The following EIF4EBP2 variants were observed in gnomAD, a reference collection of about 807,000 sequenced individuals.
The protein encoded by EIF4EBP2 is eukaryotic translation initiation factor 4E-binding protein 2.
A neutral mutation model predicts 10.3 loss-of-function variants in EIF4EBP2; 5 were observed. The observed-to-expected ratio is 0.48, with a 90% CI of 0.25 to 1.02. The LOEUF is 1.02. Ranked by LOEUF, EIF4EBP2 falls within the 50% of genes least tolerant of loss-of-function variation. EIF4EBP2 has a pLI of 0.15. For missense variants in EIF4EBP2, 188 were observed against 162.2 expected, an observed-to-expected ratio of 1.16 and a Z score of -0.86; for synonymous variants, 67 against 61.1, an observed-to-expected ratio of 1.10 and a Z score of -0.45.
chr10:70,412,905 A>T (rs1186780657), intron 1 of EIF4EBP2, among the ~76,000 whole-genome samples: 1 of 152,242 alleles, frequency 6.6e-6, no homozygotes, highest in Non-Finnish European at 1.5e-5. Flanking sequence ...TAAGAAAAAT[A>T]TGTACATTTT....
intron 1 of EIF4EBP2, among the ~76,000 whole-genome samples, chr10:70,411,089 TTA>T (rs1432469562): frequency 6.6e-6 from 1 of 152,244 alleles, no homozygotes; most frequent in East Asian, 1.9e-4. Flanking sequence ...AATTTCCATT[TTA>T]GTCATTTTTA....
rs767737902 is a variant in EIF4EBP2 at position 70,419,898 on chromosome 10, T to C, written c.146-16T>C. On this transcript the variant is annotated splice_polypyrimidine_tract_variant and intron_variant, in intron 1 of 2. Transcript: ENST00000373218. Reference sequence around the variant, plus strand: ...CCCTTAAATTGTTTCAAACTCTTTTTAACCCTGTTTTCCAGGAACTCGAAT... The same window carrying C: ...CCCTTAAATTGTTTCAAACTCTTTTCAACCCTGTTTTCCAGGAACTCGAAT... The C allele has an allele frequency of 5.1e-5, 79 of 1,553,514 alleles. No homozygotes were observed. Among genetic ancestry groups the C allele is most frequent in the Middle Eastern group, 3.4e-4 (2 of 5,822 alleles).
intron 1 of EIF4EBP2, among the ~76,000 whole-genome samples, chr10:70,406,481 A>G (rs1175486182): frequency 6.6e-6 from 1 of 152,262 alleles, no homozygotes; most frequent in Non-Finnish European, 1.5e-5. Flanking sequence ...TCATAGTGAC[A>G]ACTGCACTCA....
intron 1 of EIF4EBP2, among the ~76,000 whole-genome samples, chr10:70,406,885 A>C (rs1844969073): frequency 6.6e-6 from 1 of 151,752 alleles, no homozygotes; most frequent in African/African-American, 2.4e-5. Context: ...TAATCTTTGG[A>C]TTTATTTGTT....
intron 1 of EIF4EBP2, among the ~76,000 whole-genome samples, chr10:70,417,440 G>A (rs1589147942): frequency 6.6e-6 from 1 of 151,840 alleles, no homozygotes; most frequent in South Asian, 2.1e-4. Context: ...ACAGTCCTGC[G>A]AATCAACTAA....
At chr10:70,414,670 C>A (rs1455447677) in intron 1 of EIF4EBP2, among the ~76,000 whole-genome samples, 1 of 152,154 alleles carries the variant, frequency 6.6e-6, no homozygotes, top group African/African-American at 2.4e-5. Context: ...GAGTTCGAGA[C>A]CAGCCTGGCC....
Position 70,404,364 on chromosome 10 carries a change from T to G in EIF4EBP2, c.-38T>G. ...CAGCCCCGGCCCCGCCGCCGCCGCCTGCCCGCCGGACAAAGCCGAGAGCCC... is the reference window on the plus strand; with the variant it reads ...CAGCCCCGGCCCCGCCGCCGCCGCCGGCCCGCCGGACAAAGCCGAGAGCCC... On this transcript the variant is annotated 5_prime_UTR_variant, in exon 1 of 3. Transcript: ENST00000373218. 6.7e-7 allele frequency: 1 copy of G among 1,488,392 alleles called. No homozygotes were observed. Among genetic ancestry groups the G allele is most frequent in the South Asian group, 1.2e-5 (1 of 80,224 alleles). The allele number at this position is 1,488,392 out of a possible 1,614,324, so 92.2% of individuals were successfully genotyped here.
chr10:70,406,771 C>T (rs1200520622), intron 1 of EIF4EBP2, among the ~76,000 whole-genome samples: 1 of 152,224 alleles, frequency 6.6e-6, no homozygotes, highest in Non-Finnish European at 1.5e-5. Flanking sequence ...CACTTAACTT[C>T]CCCCGACATT....
At chr10:70,411,589 TGGGATCATA>T (rs1356218854) in intron 1 of EIF4EBP2, among the ~76,000 whole-genome samples, 1 of 152,132 alleles carries the variant, frequency 6.6e-6, no homozygotes, top group Non-Finnish European at 1.5e-5. Flanking sequence ...CTCAGCCTCC[TGGGATCATA>T]GGAGTGCCAC....
At chr10:70,413,998 AGGGAGTCT>A (rs1845068797) in intron 1 of EIF4EBP2, among the ~76,000 whole-genome samples, 1 of 152,158 alleles carries the variant, frequency 6.6e-6, no homozygotes, top group South Asian at 2.1e-4. Context: ...ATAGCGTTGG[AGGGAGTCT>A]GGGTGAAATG....
intron 1 of EIF4EBP2, among the ~76,000 whole-genome samples, chr10:70,406,922 GAGTTTCGCTCTGT>G (rs1162799647): frequency 1.3e-5 from 2 of 152,128 alleles, no homozygotes; most frequent in Admixed American, 6.5e-5. Flanking sequence ...TTTGGAGACG[GAGTTTCGCTCTGT>G]AGCCTAGGCT....
chr10:70,421,712 C>T lies in EIF4EBP2; in HGVS notation c.332-4C>T, dbSNP rs116577300. The T allele has an allele frequency of 9.1e-4, 1,472 of 1,613,270 alleles. 7 individuals are homozygous for T. In the African/African-American group the frequency reaches 0.016, roughly 17 times the overall value. On this transcript the variant is annotated splice_region_variant and splice_polypyrimidine_tract_variant and intron_variant, in intron 2 of 2. Transcript: ENST00000373218. Reference sequence around the variant, plus strand: ...AAACTCTTCATTTTATTGGTCCTAACTAGGGGATGATGCTCAGTTCGAGAT... The same window carrying T: ...AAACTCTTCATTTTATTGGTCCTAATTAGGGGATGATGCTCAGTTCGAGAT...
At chr10:70,419,777 A>C in intron 1 of EIF4EBP2, 137 bp from the exon 2 acceptor site, 7 of 658,628 alleles carry the variant, frequency 1.1e-5, no homozygotes, top group Non-Finnish European at 1.7e-5. Flanking sequence ...CAGAGAGGTT[A>C]GAGATTATGC....
intron 1 of EIF4EBP2, among the ~76,000 whole-genome samples, chr10:70,409,525 G>A (rs1447085534): frequency 6.6e-6 from 1 of 152,162 alleles, no homozygotes; most frequent in Non-Finnish European, 1.5e-5. Context: ...GCTAATTATT[G>A]TCCGTGAGTC....
chr10:70,408,240 C>G (rs1845004609), intron 1 of EIF4EBP2, among the ~76,000 whole-genome samples: 1 of 150,426 alleles, frequency 6.6e-6, no homozygotes, highest in Non-Finnish European at 1.5e-5. Flanking sequence ...GACGGGGCGG[C>G]TGGCCGGGCA....
At chr10:70,419,844 A>G (rs1443301702) in intron 1 of EIF4EBP2, 70 bp from the exon 2 acceptor site, 1 of 1,116,238 alleles carries the variant, frequency 9.0e-7, no homozygotes, top group African/African-American at 1.6e-5. Context: ...TTTAAATTAA[A>G]TTCCTGGGTG....
At chr10:70,410,270 A>G (rs1385205492) in intron 1 of EIF4EBP2, among the ~76,000 whole-genome samples, 2 of 152,150 alleles carry the variant, frequency 1.3e-5, no homozygotes, top group African/African-American at 4.8e-5. Flanking sequence ...GGGTTTTACC[A>G]TGTTGGCCAG....
chr10:70,420,132 G>T (rs368511171), intron 2 of EIF4EBP2, 33 bp downstream of exon 2: 1 of 1,536,444 alleles, frequency 6.5e-7, no homozygotes, highest in Non-Finnish European at 8.8e-7. Flanking sequence ...GACCTAGAGC[G>T]TGGCTCTTGG....
intron 1 of EIF4EBP2, among the ~76,000 whole-genome samples, chr10:70,417,921 A>C (rs751715042): frequency 7.2e-5 from 11 of 152,128 alleles, no homozygotes; most frequent in Non-Finnish European, 1.0e-4. Context: ...ATTTGCCCTT[A>C]TTTTACATAG....
Sources: gnomAD v4.1 joint callset for allele counts (sites outside exome capture counted in the v4.1 genomes callset) on GRCh38, gnomAD v4.1.1 for gene constraint, MANE v1.5 for transcripts, NCBI Gene and HGNC (gene_info 2026-07-23, HGNC 2026-07-21) for gene names.